Variants in TRAK1 observed in about 807,000 individuals in gnomAD.
The protein encoded by TRAK1 is trafficking kinesin-binding protein 1.
In TRAK1, 33 loss-of-function variants were observed where a neutral mutation model predicts 92.1. The ratio of observed to expected loss-of-function variants is 0.36; its 90% CI spans 0.27 to 0.48. The LOEUF is 0.48. Among genes scored for constraint, TRAK1 ranks in the 20% least tolerant of loss-of-function variants. TRAK1 has a pLI of 0.99. For synonymous variants in TRAK1, 521 were observed against 517.3 expected (o/e 1.01, Z -0.10); for missense variants, 1,123 against 1,257.9 (o/e 0.89, Z 1.62).
At chr3:42,122,674 A>C (rs933045457) in intron 1 of TRAK1, among the ~76,000 whole-genome samples, 1 of 152,072 alleles carries the variant, frequency 6.6e-6, no homozygotes, top group African/African-American at 2.4e-5. Flanking sequence ...GAGAAGAGGA[A>C]ATGTTGCTTA....
intron 1 of TRAK1, among the ~76,000 whole-genome samples, chr3:42,078,769 A>AAAG (rs745414247): frequency 0.037 from 5,212 of 142,330 alleles, 97 homozygotes; most frequent in Non-Finnish European, 0.06. Context: ...AAAAAAAAAA[A>AAAG]AAAGAAAGAA....
intron 2 of TRAK1, among the ~76,000 whole-genome samples, chr3:42,155,892 A>G (rs1157584369): frequency 6.6e-6 from 1 of 152,192 alleles, no homozygotes; most frequent in Non-Finnish European, 1.5e-5. Context: ...TCTATGGAGT[A>G]TGTCAAGTAG....
At chr3:42,217,884 A>G in intron 14 of TRAK1, 1 of 984,538 alleles carries the variant, frequency 1.0e-6, no homozygotes, top group Non-Finnish European at 1.2e-6. Context: ...GCAGTTTCTT[A>G]CTTATTGGAG....
At chr3:42,210,786 C>G in intron 14 of TRAK1, 2 of 985,462 alleles carry the variant, frequency 2.0e-6, no homozygotes, top group Non-Finnish European at 2.4e-6. Flanking sequence ...GAGAACGTCA[C>G]TAAGCTTTTC....
intron 11 of TRAK1, among the ~76,000 whole-genome samples, chr3:42,200,385 A>C (rs1576972680): frequency 6.6e-6 from 1 of 152,236 alleles, no homozygotes; most frequent in Non-Finnish European, 1.5e-5. Flanking sequence ...ATGAATGTTC[A>C]ACAAATATCC....
intron 1 of TRAK1, among the ~76,000 whole-genome samples, chr3:42,092,468 C>A (rs1705202834): frequency 6.6e-6 from 1 of 152,148 alleles, no homozygotes; most frequent in African/African-American, 2.4e-5. Context: ...AAGCAGCGTG[C>A]ACCCAGGGCC....
chr3:42,124,576 AC>A (rs1456188195), intron 1 of TRAK1, among the ~76,000 whole-genome samples: 25 of 152,272 alleles, frequency 1.6e-4, no homozygotes, highest in African/African-American at 5.5e-4. Context: ...ATTAGTATGC[AC>A]CCCCTGAGCA....
intron 13 of TRAK1, among the ~76,000 whole-genome samples, chr3:42,206,510 A>C (rs1708349165): frequency 6.6e-6 from 1 of 152,242 alleles, no homozygotes; most frequent in Admixed American, 6.5e-5. Context: ...GCCACTTGCC[A>C]GCTCTGTAGC....
chr3:42,144,583 A>G (rs1006130430), intron 2 of TRAK1, among the ~76,000 whole-genome samples: 2 of 152,206 alleles, frequency 1.3e-5, no homozygotes, highest in Admixed American at 1.3e-4. Flanking sequence ...TAAAATGTTA[A>G]AAAAATTCAT....
At chr3:42,077,806 G>A (rs1704226938) in intron 1 of TRAK1, among the ~76,000 whole-genome samples, 2 of 152,220 alleles carry the variant, frequency 1.3e-5, no homozygotes, top group African/African-American at 4.8e-5. Flanking sequence ...TTTGTGTCCT[G>A]AAACTTTACT....
At chr3:42,149,494 G>A in intron 2 of TRAK1, 1 of 1,536,004 alleles carries the variant, frequency 6.5e-7, no homozygotes, top group Non-Finnish European at 8.7e-7. Context: ...TGACGTTGAT[G>A]GTGCTGTGAA....
intron 1 of TRAK1, among the ~76,000 whole-genome samples, chr3:42,072,409 G>A (rs1004326262): frequency 2.0e-5 from 3 of 149,678 alleles, no homozygotes; most frequent in Non-Finnish European, 4.4e-5. Context: ...CGAAGGAGGA[G>A]GCCAGCTGTA....
rs1404229160 is a variant in TRAK1, at chr3:42,158,171, C to T, written c.287-18643C>T. ...TAAGTCTCTGTATGTTTCATAATAG[C>T]GATACTCTAGATTTGAATTAAAAGA... On this transcript the variant is annotated intron_variant, in intron 2 of 15. Coordinates refer to ENST00000327628, the MANE Select transcript of TRAK1 (RefSeq NM_001042646.3). Among the ~76,000 whole-genome samples the T allele has an allele frequency of 3.9e-5, 6 of 152,102 alleles. No homozygotes were observed. The South Asian group carries it at 6.2e-4, about 16-fold the overall frequency.
chr3:42,018,935 A>T (rs564488444), intron 1 of TRAK1, among the ~76,000 whole-genome samples: 1 of 152,272 alleles, frequency 6.6e-6, no homozygotes, highest in South Asian at 2.1e-4. Flanking sequence ...CATCCTGGCC[A>T]ACATGGTGAA....
intron 2 of TRAK1, chr3:42,146,102 A>G (rs1052032062): frequency 8.5e-6 from 4 of 470,154 alleles, no homozygotes; most frequent in Admixed American, 7.9e-5. Context: ...CTTGTATCCC[A>G]AGTGCACTGA....
Position 42,125,577 on chromosome 3 carries a change from C to T in TRAK1, c.249C>T (p.Leu83=). The change falls in exon 2 of 16, where the codon CTC becomes CTT. Residue 83 remains leucine, a synonymous_variant. Coordinates refer to ENST00000327628, the MANE Select transcript of TRAK1 (RefSeq NM_001042646.3). ...PLISPDANID[L]TTEQIEETLK... Reference sequence around the variant, plus strand: ...TTTCTCCAGATGCCAACATTGACCTCACAACCGAGCAAATTGAAGAGACGT... The same window carrying T: ...TTTCTCCAGATGCCAACATTGACCTTACAACCGAGCAAATTGAAGAGACGT... 1 of 1,614,232 alleles carries T rather than the reference C, an allele frequency of 6.2e-7. No individual in the cohort carries two copies.
At chr3:42,131,615 G>A (rs1485952335) in intron 2 of TRAK1, among the ~76,000 whole-genome samples, 1 of 152,062 alleles carries the variant, frequency 6.6e-6, no homozygotes, top group Non-Finnish European at 1.5e-5. Flanking sequence ...TAACTTGGGA[G>A]GCTGAGACAG....
intron 15 of TRAK1, 136 bp downstream of exon 15, chr3:42,219,732 A>G: frequency 1.2e-6 from 1 of 816,776 alleles, no homozygotes; most frequent in East Asian, 2.8e-5. Context: ...TAAGCATCTC[A>G]GCATTTGCAG....
intron 1 of TRAK1, among the ~76,000 whole-genome samples, chr3:42,081,519 G>C (rs1230333890): frequency 1.3e-5 from 2 of 152,182 alleles, no homozygotes; most frequent in Non-Finnish European, 2.9e-5. Context: ...CTTTCAAGGA[G>C]CACACAATTT....
Sources: gnomAD v4.1 joint callset for allele counts (sites outside exome capture counted in the v4.1 genomes callset) on GRCh38, gnomAD v4.1.1 for gene constraint, MANE v1.5 for transcripts, NCBI Gene and HGNC (gene_info 2026-07-23, HGNC 2026-07-21) for gene names.